The following SLC12A3 variants were observed in gnomAD, a reference collection of about 807,000 sequenced individuals.
The protein encoded by SLC12A3 is solute carrier family 12 member 3, also known as Na-Cl cotransporter.
Under a neutral mutation model 121.0 loss-of-function variants are expected in SLC12A3, and 104 were observed. That is an observed-to-expected ratio of 0.86 (90% CI 0.73 to 1.01). The LOEUF (loss-of-function observed/expected upper bound fraction) is 1.01, where lower values mean the gene tolerates loss of function less well. SLC12A3 is among the 50% of genes least tolerant of loss of function. The probability of loss-of-function intolerance (pLI) is 0.00; values close to 1 mark genes in which losing one functional copy is unlikely to be tolerated. For synonymous variants in SLC12A3, 536 were observed against 533.4 expected (o/e 1.00, Z -0.07); for missense variants, 1,328 against 1,356.3 (o/e 0.98, Z 0.33).
chr16:56,912,704 G>A (rs1347856576), intron 25 of SLC12A3, among the ~76,000 whole-genome samples: 1 of 152,236 alleles, frequency 6.6e-6, no homozygotes, highest in Non-Finnish European at 1.5e-5. Context: ...ACATTCTAAT[G>A]TGGGGAGACA....
intron 1 of SLC12A3, among the ~76,000 whole-genome samples, chr16:56,866,067 C>A (rs1156799727): frequency 1.3e-5 from 2 of 151,180 alleles, no homozygotes; most frequent in Non-Finnish European, 2.9e-5. Context: ...CTCACTGCAA[C>A]CTCTGCCTCC....
At chr16:56,889,729 C>T (rs1229729358) in intron 18 of SLC12A3, among the ~76,000 whole-genome samples, 1 of 152,218 alleles carries the variant, frequency 6.6e-6, no homozygotes, top group Non-Finnish European at 1.5e-5. Context: ...CCTGCCTTGA[C>T]CTCCCAAAGT....
chr16:56,880,265 C>T lies in SLC12A3; in HGVS notation c.1567+12C>T. On this transcript the variant is annotated intron_variant, in intron 12 of 25. Transcript: ENST00000563236. Reference sequence around the variant, plus strand: ...CTTCATCATCATCGGTAAGGCTCTGCCAGGGCTCACAGGGCCTGGCCTCCT... The same window carrying T: ...CTTCATCATCATCGGTAAGGCTCTGTCAGGGCTCACAGGGCCTGGCCTCCT... 1 of 1,571,362 alleles carries T rather than the reference C, an allele frequency of 6.4e-7. No individual in the cohort carries two copies.
rs773158966 is a variant in SLC12A3, at chr16:56,865,491, C to G, written c.256C>G (p.Leu86Val). The G allele has an allele frequency of 1.9e-6, 3 of 1,613,312 alleles. No individual in the cohort carries two copies. Among genetic ancestry groups the G allele is most frequent in the Non-Finnish European group, 2.5e-6 (3 of 1,180,060 alleles). The part of the protein sequence containing the change: ...PGEPRKVRPT[L>V]ADLHSFLKQE... ...TGAGCCCCGGAAGGTCCGGCCCACA[C>G]TGGCTGACCTGCACTCCTTCCTCAA... The change falls in exon 1 of 26, where the codon CTG becomes GTG. Residue 86 changes from leucine to valine, a missense_variant. Physicochemically the swap from Leu to Val is conservative, Grantham distance 32 (BLOSUM62 1). Coordinates refer to ENST00000563236, the MANE Select transcript of SLC12A3 (RefSeq NM_001126108.2).
In SLC12A3 at chr16:56,884,840, C is replaced by T. The variant is rs186178035; in HGVS notation, c.1826-425C>T. ...GGAGTGCAGCAGCACAACCTCGGCT[C>T]ACTGCAACCTCCACCTCCCGGGTTC... On this transcript the variant is annotated intron_variant, in intron 14 of 25. Transcript: ENST00000563236. 2.0e-5 allele frequency among the ~76,000 whole-genome samples: 3 copies of T among 152,246 alleles called. No individual in the cohort carries two copies. The South Asian group carries it at 6.2e-4, about 32-fold the overall frequency.
intron 19 of SLC12A3, 111 bp downstream of exon 19, chr16:56,890,467 C>T (rs971100318): frequency 2.0e-5 from 18 of 897,546 alleles, no homozygotes; most frequent in Non-Finnish European, 3.0e-5. Flanking sequence ...CATAGAAAGT[C>T]GCCTCTTAAT....
At chr16:56,872,513 A>G (rs1334026912) in intron 7 of SLC12A3, 51 bp downstream of exon 7, 2 of 1,584,900 alleles carry the variant, frequency 1.3e-6, no homozygotes, top group African/African-American at 1.3e-5. Context: ...GGGACTCTCT[A>G]CCCAGGAATC....
Position 56,893,040 on chromosome 16 carries a change from T to C in SLC12A3, c.2507T>C (p.Leu836Pro). 6.2e-7 allele frequency: 1 copy of C among 1,614,030 alleles called. No individual in the cohort carries two copies. The highest frequency in any genetic ancestry group is 8.5e-7 in the Non-Finnish European group (1 of 1,179,882). The change falls in exon 21 of 26, where the codon CTC becomes CCC. Residue 836 changes from leucine (L) to proline (P), a missense_variant. Leu to Pro is a moderately conservative substitution (Grantham distance 98). Coordinates refer to ENST00000563236, the MANE Select transcript of SLC12A3 (RefSeq NM_001126108.2). Reference protein sequence around the residue: ...QGKKTIDIYWLFDDGGLTLLI... With the variant: ...QGKKTIDIYWPFDDGGLTLLI... ...AAGAAGACCATAGACATCTACTGGC[T>C]CTTTGACGATGGAGGTCAGTGACCC...
chr16:56,897,851 G>T (rs1266218268), intron 22 of SLC12A3, among the ~76,000 whole-genome samples: 1 of 152,170 alleles, frequency 6.6e-6, no homozygotes, highest in African/African-American at 2.4e-5. Context: ...CCTAGGCACT[G>T]CCCAGGCCTG....
Position 56,887,109 on chromosome 16 carries a change from G to A in SLC12A3, c.2178+16G>A. ...CCTCATGCAGGTGCCATGGACTGGG[G>A]GCTCCCCTACAGGACTTACGGCTTG... On this transcript the variant is annotated intron_variant, in intron 17 of 25. Transcript: ENST00000563236. 1 of 1,613,820 alleles carries A rather than the reference G, an allele frequency of 6.2e-7. No individual in the cohort carries two copies. The highest frequency in any genetic ancestry group is 1.1e-5 in the South Asian group (1 of 91,076).
intron 24 of SLC12A3, 23 bp downstream of exon 24, chr16:56,902,531 G>GACCC: frequency 2.8e-6 from 2 of 714,548 alleles, no homozygotes; most frequent in Non-Finnish European, 4.8e-6. Flanking sequence ...GTGGGGGTGG[G>GACCC]AAACGCGACA....
At chr16:56,900,972 G>A (rs989167035) in intron 23 of SLC12A3, among the ~76,000 whole-genome samples, 54 of 151,826 alleles carry the variant, frequency 3.6e-4, no homozygotes, top group African/African-American at 1.2e-3. Flanking sequence ...TAATCCTCCC[G>A]CTCCCAACCC....
chr16:56,912,893 G>A (rs989465109), intron 25 of SLC12A3, among the ~76,000 whole-genome samples: 25 of 152,124 alleles, frequency 1.6e-4, no homozygotes, highest in African/African-American at 5.8e-4. Flanking sequence ...CTCCTTTCCT[G>A]GTGGGTGGGG....
chr16:56,890,493 A>T, intron 19 of SLC12A3, 137 bp downstream of exon 19: 1 of 723,766 alleles, frequency 1.4e-6, no homozygotes, highest in Non-Finnish European at 2.4e-6. Context: ...CTTAGAGCCC[A>T]TCAGTTTTCC....
chr16:56,892,220 C>T, intron 20 of SLC12A3, 87 bp downstream of exon 20: 2 of 1,257,668 alleles, frequency 1.6e-6, no homozygotes. Flanking sequence ...TAGGGGTGGG[C>T]CACTTGGGAA....
intron 23 of SLC12A3, 43 bp downstream of exon 23, chr16:56,899,659 G>A (rs1567445330): frequency 2.1e-6 from 3 of 1,399,030 alleles, no homozygotes; most frequent in Non-Finnish European, 3.0e-6. Context: ...GGCCAACTGT[G>A]TGCCTGGAGA....
At chr16:56,908,920 G>T (rs1003904582) in intron 25 of SLC12A3, among the ~76,000 whole-genome samples, 23 of 152,364 alleles carry the variant, frequency 1.5e-4, no homozygotes, top group African/African-American at 5.3e-4. Flanking sequence ...GGGTGTGCCA[G>T]ACCACGGCTT....
At chr16:56,900,827 A>G (rs1337326284) in intron 23 of SLC12A3, among the ~76,000 whole-genome samples, 1 of 152,098 alleles carries the variant, frequency 6.6e-6, no homozygotes, top group Non-Finnish European at 1.5e-5. Context: ...CACTGCGCCC[A>G]GCCTAGCATC....
chr16:56,867,844 G>A (rs1964396533), intron 2 of SLC12A3, among the ~76,000 whole-genome samples: 1 of 152,192 alleles, frequency 6.6e-6, no homozygotes, highest in Non-Finnish European at 1.5e-5. Context: ...CTCGGCCTCT[G>A]GCTTTGCTTT....
Sources: gnomAD v4.1 joint callset for allele counts (sites outside exome capture counted in the v4.1 genomes callset) on GRCh38, gnomAD v4.1.1 for gene constraint, MANE v1.5 for transcripts, NCBI Gene and HGNC (gene_info 2026-07-23, HGNC 2026-07-21) for gene names.